The following CLDN18 variants were observed in gnomAD, a reference collection of about 807,000 sequenced individuals.
CLDN18 encodes the protein claudin-18.
Under a neutral mutation model 25.0 loss-of-function variants are expected in CLDN18, and 20 were observed. That is an observed-to-expected ratio of 0.80 (90% confidence interval 0.56 to 1.16). The LOEUF (loss-of-function observed/expected upper bound fraction) is 1.16. CLDN18 is among the 50% of genes most tolerant of loss of function. CLDN18 has a pLI of 0.00. For synonymous variants in CLDN18, 125 were observed against 135.6 expected (o/e 0.92, Z 0.54); for missense variants, 297 against 345.4 (o/e 0.86, Z 1.11).
At chr3:137,999,622 C>A (rs951728967) in intron 1 of CLDN18, among the ~76,000 whole-genome samples, 1 of 152,160 alleles carries the variant, frequency 6.6e-6, no homozygotes, top group Non-Finnish European at 1.5e-5. Flanking sequence ...GTCAGATGGG[C>A]CCCTGCACTG....
At position 138,015,904 on chromosome 3, in the gene CLDN18, T is replaced by C. The variant is rs573943662; in HGVS notation, c.220+5459T>C. ...GAAGAATGTAATTCAATGCAACAAG[T>C]TGTATTGTATAAACTACAGATAGAT... is the stretch of plus-strand genomic sequence containing the variant. On this transcript the variant is annotated intron_variant, in intron 1 of 4. Transcript: ENST00000183605. Among the ~76,000 whole-genome samples, 27 of 152,324 alleles carry C rather than the reference T, an allele frequency of 1.8e-4. No homozygotes were observed. The South Asian group carries it at 2.7e-3, about 15-fold the overall frequency.
At chr3:138,011,944 T>C (rs6785236) in intron 1 of CLDN18, among the ~76,000 whole-genome samples, 150,995 of 152,244 alleles carry the variant, frequency 0.99, 74,890 homozygotes, top group East Asian at 1. Flanking sequence ...TCCCCCTTGA[T>C]GGAACAAGAT....
Position 138,014,476 on chromosome 3 carries a change from A to T in CLDN18, c.220+4031A>T, listed in dbSNP as rs377342504. Among the ~76,000 whole-genome samples, 6 of 152,076 alleles carry T rather than the reference A, an allele frequency of 3.9e-5. No homozygotes were observed. The East Asian group carries it at 9.7e-4, about 25-fold the overall frequency. ...AAACCCAGCATGGCACACAACAAGC[A>T]TAGGGGGCTGGGGGAGGGGGAAGTC... On this transcript the variant is annotated intron_variant, in intron 1 of 4. Coordinates refer to ENST00000183605, the MANE Select transcript of CLDN18 (RefSeq NM_016369.4).
rs767903266 is a variant in CLDN18 at position 138,024,197 on chromosome 3, TCTTAA to T, written c.385+381_385+385del. Among the ~76,000 whole-genome samples the T allele has an allele frequency of 2.5e-4, 38 of 152,002 alleles. 1 individual carries two copies. Among genetic ancestry groups the T allele is most frequent in the South Asian group, 6.2e-4 (3 of 4,812 alleles). Reference sequence around the variant, plus strand: ...AAAAAAAACTTAGTTAGCTTTTGAATCTTAACTTAAGCTGAAAAAAAAGAGGTTCT... The same window carrying T: ...AAAAAAAACTTAGTTAGCTTTTGAATCTTAAGCTGAAAAAAAAGAGGTTCT... On this transcript the variant is annotated intron_variant, in intron 2 of 4. Transcript: ENST00000183605.
chr3:138,031,354 G>A lies in CLDN18; in HGVS notation c.*213G>A, dbSNP rs75363623. ...ACAGCTGAGTTATTTATGAATTAGA[G>A]GCTATAGCTCACATTTTCAATCCTC... is the stretch of plus-strand genomic sequence containing the variant. On this transcript the variant is annotated 3_prime_UTR_variant, in exon 5 of 5. Transcript: ENST00000183605. 809 of 408,460 alleles carry A rather than the reference G, an allele frequency of 2.0e-3. 1 individual carries two copies. The highest frequency in any genetic ancestry group is 6.8e-3 in the African/African-American group (337 of 49,236). The allele number at this position is 408,460 out of a possible 1,614,324, so 25.3% of individuals were successfully genotyped here. A position where few individuals can be genotyped will look rare whatever the true frequency, so the allele number is the denominator to read the frequency against.
intron 3 of CLDN18, among the ~76,000 whole-genome samples, chr3:138,027,340 T>A (rs896268998): frequency 6.6e-6 from 1 of 152,238 alleles, no homozygotes; most frequent in South Asian, 2.1e-4. Context: ...TGTTCTTCTA[T>A]CTAGCTCACT....
At chr3:138,023,406 A>G (rs531453901) in intron 1 of CLDN18, among the ~76,000 whole-genome samples, 2 of 152,346 alleles carry the variant, frequency 1.3e-5, no homozygotes, top group East Asian at 3.9e-4. Flanking sequence ...CCAACCATCC[A>G]TAATTCTCTG....
At chr3:138,006,917 T>G (rs147263851), upstream of CLDN18, among the ~76,000 whole-genome samples, 140 of 152,346 alleles carry the variant, frequency 9.2e-4, no homozygotes, top group African/African-American at 3.3e-3. Context: ...AATTCCTTAT[T>G]ATCTGAATAA....
chr3:138,013,917 G>A (rs1203527408), intron 1 of CLDN18, among the ~76,000 whole-genome samples: 2 of 152,110 alleles, frequency 1.3e-5, no homozygotes, highest in Non-Finnish European at 2.9e-5. Flanking sequence ...GGAAAGAGGA[G>A]GGGTTTAAGG....
At chr3:138,002,582 C>T (rs1030156842) in intron 1 of CLDN18, among the ~76,000 whole-genome samples, 1 of 152,184 alleles carries the variant, frequency 6.6e-6, no homozygotes, top group African/African-American at 2.4e-5. Context: ...GGATCTGGAA[C>T]ATTCTTGTTT....
chr3:138,029,824 G>C lies in CLDN18; in HGVS notation c.531G>C (p.Val177=), dbSNP rs1024159726. ...TRYTFGAALF[V]GWVAGGLTLI... Reference sequence around the variant, plus strand: ...ACACATTTGGTGCGGCTCTGTTCGTGGGCTGGGTCGCTGGAGGCCTCACAC... The same window carrying C: ...ACACATTTGGTGCGGCTCTGTTCGTCGGCTGGGTCGCTGGAGGCCTCACAC... Residue 177 remains valine, a synonymous_variant, in exon 4 of 5, where the codon GTG becomes GTC. Transcript: ENST00000183605. 2 of 1,589,146 alleles carry C rather than the reference G, an allele frequency of 1.3e-6. No homozygotes were observed. The highest frequency in any genetic ancestry group is 1.8e-5 in the Admixed American group (1 of 55,434).
chr3:138,005,890 G>A (rs2107875740), upstream of CLDN18, among the ~76,000 whole-genome samples: 1 of 151,542 alleles, frequency 6.6e-6, no homozygotes, highest in South Asian at 2.1e-4. Flanking sequence ...TCAAAAAAAT[G>A]GGGGAAGGTA....
At chr3:138,000,499 A>T (rs1195725773) in intron 1 of CLDN18, among the ~76,000 whole-genome samples, 1 of 152,288 alleles carries the variant, frequency 6.6e-6, no homozygotes, top group Non-Finnish European at 1.5e-5. Context: ...GTGCCAGGCT[A>T]AGGTGTTTGG....
At position 138,010,330 on chromosome 3, in the gene CLDN18, G is replaced by A. The variant is rs768644447; in HGVS notation, c.105G>A (p.Leu35=). 3 of 1,614,208 alleles carry A rather than the reference G, an allele frequency of 1.9e-6. No individual in the cohort carries two copies. The highest frequency in any genetic ancestry group is 1.1e-5 in the South Asian group (1 of 91,090). ...TGGACATGTGGAGCACCCAGGACCTGTACGACAACCCCGTCACCTCCGTGT... is the reference window on the plus strand; with the variant it reads ...TGGACATGTGGAGCACCCAGGACCTATACGACAACCCCGTCACCTCCGTGT... The part of the protein sequence containing the change: ...TGMDMWSTQD[L]YDNPVTSVFQ... Residue 35 remains leucine, a synonymous_variant, in exon 1 of 5, where the codon CTG becomes CTA. Coordinates refer to ENST00000183605, the MANE Select transcript of CLDN18 (RefSeq NM_016369.4).
Position 138,030,997 on chromosome 3 carries a change from A to G in CLDN18, c.642A>G (p.Ser214=), listed in dbSNP as rs16847742. The change falls in exon 5 of 5, where the codon TCA becomes TCG. Residue 214 remains serine (S), a synonymous_variant. Coordinates refer to ENST00000183605, the MANE Select transcript of CLDN18 (RefSeq NM_016369.4). ...TNYKAVSYHA[S]GHSVAYKPGG... ...ACAAAGCCGTTTCTTATCATGCCTC[A>G]GGCCACAGTGTTGCCTACAAGCCTG... The G allele has an allele frequency of 0.12, 200,132 of 1,612,980 alleles. 13,414 individuals carry two copies. Among genetic ancestry groups the G allele is most frequent in the African/African-American group, 0.15 (11,156 of 74,940 alleles).
intron 1 of CLDN18, among the ~76,000 whole-genome samples, chr3:137,999,715 T>C (rs1941994914): frequency 6.6e-6 from 1 of 152,202 alleles, no homozygotes; most frequent in Non-Finnish European, 1.5e-5. Flanking sequence ...GATTCTGCTG[T>C]GGCAAATGGG....
upstream of CLDN18, among the ~76,000 whole-genome samples, chr3:138,007,705 A>T (rs897532760): frequency 4.6e-5 from 7 of 152,216 alleles, no homozygotes; most frequent in African/African-American, 1.4e-4. Flanking sequence ...TTTTAAAATG[A>T]GGATTAAAAA....
intron 1 of CLDN18, among the ~76,000 whole-genome samples, chr3:138,017,144 C>T (rs1209606221): frequency 1.3e-5 from 2 of 152,092 alleles, no homozygotes; most frequent in Non-Finnish European, 2.9e-5. Flanking sequence ...GCTGTGTCTA[C>T]ATCACTCGGG....
rs140536371 is a variant in CLDN18 at position 138,024,163 on chromosome 3, T to C, written c.385+341T>C. ...CTATGTCGATTAAAAGAAAATTTTT[T>C]TATTAAAAAAAAAAAACTTAGTTAG... On this transcript the variant is annotated intron_variant, in intron 2 of 4. Transcript: ENST00000183605. Among the ~76,000 whole-genome samples, 778 of 151,724 alleles carry C rather than the reference T, an allele frequency of 5.1e-3. 9 individuals are homozygous for C. The highest frequency in any genetic ancestry group is 0.018 in the African/African-American group (729 of 41,186).
Sources: allele counts gnomAD v4.1 joint callset (sites outside exome capture counted in the v4.1 genomes callset), GRCh38; gene constraint gnomAD v4.1.1; transcripts MANE v1.5; gene names NCBI Gene and HGNC (gene_info 2026-07-23, HGNC 2026-07-21).